Variants in POTEC observed in about 807,000 individuals in gnomAD.
The protein encoded by POTEC is POTE ankyrin domain family member C, also known as ANKRD26-like family B member 2.
A neutral mutation model predicts 62.0 loss-of-function variants in POTEC; 35 were observed. The observed-to-expected ratio is 0.56, with a 90% CI of 0.43 to 0.75. POTEC has a LOEUF of 0.75. Ranked by LOEUF, POTEC falls within the 30% of genes least tolerant of loss-of-function variation. POTEC has a pLI of 0.00. For synonymous variants in POTEC, 156 were observed against 221.5 expected (o/e 0.70, Z 2.62); for missense variants, 472 against 655.9 (o/e 0.72, Z 3.06).
intron 6 of POTEC, among the ~76,000 whole-genome samples, chr18:14,529,729 C>T (rs1485288143): frequency 1.3e-5 from 2 of 151,994 alleles, no homozygotes; most frequent in Non-Finnish European, 2.9e-5. Flanking sequence ...AGACAATTGA[C>T]CAGCAGGTAG....
At chr18:14,526,707 G>A (rs935707846) in intron 6 of POTEC, among the ~76,000 whole-genome samples, 65 of 152,256 alleles carry the variant, frequency 4.3e-4, no homozygotes, top group South Asian at 2.1e-4. Flanking sequence ...AGTAATGCCA[G>A]AGAAAGGGCA....
chr18:14,522,333 C>G lies in POTEC; in HGVS notation c.1330G>C (p.Asp444His). 1 of 1,602,682 alleles carries G rather than the reference C, an allele frequency of 6.2e-7. No individual in the cohort carries two copies. The highest frequency in any genetic ancestry group is 1.1e-5 in the South Asian group (1 of 89,322). Residue 444 changes from aspartate (D) to histidine (H), a missense_variant, in exon 9 of 11, where the codon GAT (aspartate) becomes CAT (histidine). Coordinates refer to ENST00000358970, the MANE Select transcript of POTEC (RefSeq NM_001137671.2). ...TNGASAGNGDDGLIPQRRSRK... is the reference protein window; with the variant it reads ...TNGASAGNGDHGLIPQRRSRK... Reference sequence around the variant, plus strand: ...CTCCTCCTTTGTGGAATTAATCCATCATCACCATTGCCAGCACTGGCACCA... The same window carrying G: ...CTCCTCCTTTGTGGAATTAATCCATGATCACCATTGCCAGCACTGGCACCA...
intron 3 of POTEC, among the ~76,000 whole-genome samples, chr18:14,537,388 T>G (rs1905777963): frequency 1.3e-5 from 2 of 151,950 alleles, no homozygotes; most frequent in Non-Finnish European, 2.9e-5. Context: ...TATCTATTAG[T>G]GTTTTTTTAG....
intron 10 of POTEC, among the ~76,000 whole-genome samples, chr18:14,512,797 G>A (rs1188433663): frequency 6.7e-6 from 1 of 149,756 alleles, no homozygotes; most frequent in Non-Finnish European, 1.5e-5. Context: ...ACACACACAC[G>A]TATATATGCA....
At chr18:14,532,208 C>G (rs1464678773) in intron 5 of POTEC, among the ~76,000 whole-genome samples, 1 of 152,110 alleles carries the variant, frequency 6.6e-6, no homozygotes, top group Non-Finnish European at 1.5e-5. Flanking sequence ...AAAAGACCAA[C>G]AACGGCCTGA....
chr18:14,512,596 T>A (rs1184335252), intron 10 of POTEC, among the ~76,000 whole-genome samples: 2 of 152,210 alleles, frequency 1.3e-5, no homozygotes, highest in Non-Finnish European at 2.9e-5. Flanking sequence ...ATCACGATTC[T>A]TAAAAGGAGA....
intron 6 of POTEC, chr18:14,528,125 A>G (rs1278995485): frequency 3.3e-5 from 5 of 152,344 alleles, no homozygotes; most frequent in South Asian, 2.1e-4. Context: ...TAGATATGAC[A>G]GAGACCACAT....
At chr18:14,537,213 A>C (rs1394739525) in intron 3 of POTEC, among the ~76,000 whole-genome samples, 101 of 103,082 alleles carry the variant, frequency 9.8e-4, no homozygotes, top group Admixed American at 1.7e-3. Flanking sequence ...ACACACACAA[A>C]AAAAAAAAAA....
chr18:14,542,980 A>G lies in POTEC; in HGVS notation c.167T>C (p.Met56Thr), dbSNP rs200806970. Residue 56 changes from methionine (M) to threonine (T), a missense_variant, in exon 1 of 11, where the codon ATG becomes ACG. Transcript: ENST00000358970. Reference sequence around the variant, plus strand: ...ACACTTGCCCATCTTGCTCCTGAGCATCTTCATAAAGGAGTCGTCGTGGTC... The same window carrying G: ...ACACTTGCCCATCTTGCTCCTGAGCGTCTTCATAAAGGAGTCGTCGTGGTC... ...SGDHDDSFMK[M>T]LRSKMGKCCH... The G allele has an allele frequency of 1.3e-6, 2 of 1,564,638 alleles. No homozygotes were observed. The highest frequency in any genetic ancestry group is 1.7e-6 in the Non-Finnish European group (2 of 1,154,458).
chr18:14,541,353 C>T (rs955915787), intron 1 of POTEC, among the ~76,000 whole-genome samples: 1 of 152,172 alleles, frequency 6.6e-6, no homozygotes, highest in Non-Finnish European at 1.5e-5. Context: ...TTTATTATAT[C>T]TGCATATATA....
intron 9 of POTEC, among the ~76,000 whole-genome samples, chr18:14,521,689 A>G (rs895414771): frequency 3.3e-5 from 5 of 152,176 alleles, no homozygotes; most frequent in African/African-American, 1.2e-4. Flanking sequence ...CAATGAGACC[A>G]TTTCCTTTGC....
intron 5 of POTEC, among the ~76,000 whole-genome samples, chr18:14,532,567 C>T (rs961897074): frequency 6.6e-6 from 1 of 152,110 alleles, no homozygotes; most frequent in Non-Finnish European, 1.5e-5. Flanking sequence ...ATGGAAACAA[C>T]AGAATGATTG....
Position 14,535,422 on chromosome 18 carries a change from CAT to C in POTEC, c.811-417_811-416del, listed in dbSNP as rs201344797. Among the ~76,000 whole-genome samples the C allele has an allele frequency of 6.9e-3, 1,048 of 151,958 alleles. 8 individuals are homozygous for C. Among genetic ancestry groups the C allele is most frequent in the Non-Finnish European group, 0.01 (681 of 67,974 alleles). Reference sequence around the variant, plus strand: ...AATGTAAAATATTTCTTTAGTTTCACATGTTTTACCAAAGTTCAAGCTCCAAC... The same window carrying C: ...AATGTAAAATATTTCTTTAGTTTCACGTTTTACCAAAGTTCAAGCTCCAAC... On this transcript the variant is annotated intron_variant, in intron 3 of 10. Transcript: ENST00000358970.
Position 14,510,553 on chromosome 18 carries a change from G to C in POTEC, c.*1345C>G, listed in dbSNP as rs45497692. 4.6e-5 allele frequency: 7 copies of C among 152,072 alleles called. No homozygotes were observed. Among genetic ancestry groups the C allele is most frequent in the Non-Finnish European group, 8.8e-5 (6 of 68,018 alleles). 9.4% of individuals were successfully genotyped at this position (152,072 alleles called of 1,614,324 possible). A position where few individuals can be genotyped will look rare whatever the true frequency, so the allele number is the denominator to read the frequency against. ...GTCCACTCCAGTCGCCAATTGCCTC[G>C]TATTTTCCAGTGGCTGAAGGTATCA... On this transcript the variant is annotated 3_prime_UTR_variant, in exon 11 of 11. Coordinates refer to ENST00000358970, the MANE Select transcript of POTEC (RefSeq NM_001137671.2).
chr18:14,541,559 G>C (rs1277268703), intron 1 of POTEC, among the ~76,000 whole-genome samples: 1 of 152,104 alleles, frequency 6.6e-6, no homozygotes, highest in Non-Finnish European at 1.5e-5. Flanking sequence ...AGAATTACTT[G>C]AACCAGGAAC....
chr18:14,540,798 T>C (rs192635653), intron 1 of POTEC, among the ~76,000 whole-genome samples: 5 of 152,356 alleles, frequency 3.3e-5, no homozygotes, highest in African/African-American at 1.2e-4. Context: ...ACTTAAACTT[T>C]CAGCAAGTAA....
intron 9 of POTEC, among the ~76,000 whole-genome samples, chr18:14,519,909 G>A (rs532708311): frequency 5.3e-4 from 81 of 152,130 alleles, no homozygotes; most frequent in Non-Finnish European, 9.7e-4. Context: ...GGGAGGAGAT[G>A]TCCTCCATTG....
At chr18:14,512,274 T>G (rs2143103844) in intron 10 of POTEC, among the ~76,000 whole-genome samples, 1 of 152,298 alleles carries the variant, frequency 6.6e-6, no homozygotes, top group East Asian at 1.9e-4. Flanking sequence ...CCCAGAGGCA[T>G]AAAATAGAAG....
At chr18:14,528,775 G>GT (rs1416022363) in intron 6 of POTEC, 1 of 354,006 alleles carries the variant, frequency 2.8e-6, no homozygotes, top group Non-Finnish European at 5.5e-6. Context: ...GGCCCACAGG[G>GT]TAAGACCTAC....
Sources: allele counts gnomAD v4.1 joint callset (sites outside exome capture counted in the v4.1 genomes callset), GRCh38; gene constraint gnomAD v4.1.1; transcripts MANE v1.5; gene names NCBI Gene and HGNC (gene_info 2026-07-23, HGNC 2026-07-21).